CLSTN2: variants seen among roughly 807,000 people sequenced by gnomAD.
CLSTN2 encodes calsyntenin 2, also known as calsyntenin-2.
A neutral mutation model predicts 101.2 loss-of-function variants in CLSTN2; 48 were observed. The ratio of observed to expected loss-of-function variants is 0.47; its 90% confidence interval spans 0.38 to 0.60. CLSTN2 has a LOEUF of 0.60. CLSTN2 is among the 20% of genes least tolerant of loss of function. The pLI, the probability that CLSTN2 is intolerant of heterozygous loss-of-function variation, is 0.00. For synonymous variants in CLSTN2, 481 were observed against 463.6 expected (o/e 1.04, Z -0.48); for missense variants, 1,160 against 1,238.2 (o/e 0.94, Z 0.95).
intron 2 of CLSTN2, among the ~76,000 whole-genome samples, chr3:140,243,343 G>A (rs2086487287): frequency 6.6e-6 from 1 of 152,206 alleles, no homozygotes; most frequent in African/African-American, 2.4e-5. Context: ...AGAAACCATT[G>A]ATGGGTAAAT....
At chr3:140,483,217 G>A (rs186983753) in intron 8 of CLSTN2, among the ~76,000 whole-genome samples, 79 of 152,284 alleles carry the variant, frequency 5.2e-4, no homozygotes, top group Non-Finnish European at 8.8e-5. Context: ...AGTCATTCAG[G>A]AGCAGGTTGC....
chr3:140,508,723 C>G (rs578174753), intron 8 of CLSTN2: 13 of 150,818 alleles, frequency 8.6e-5, no homozygotes, highest in African/African-American at 3.2e-4. Context: ...CACTTACAAC[C>G]GACAACAGGC....
rs528243936 is a variant in CLSTN2, at chr3:140,083,996, C to G, written c.110-91955C>G. 3.3e-5 allele frequency among the ~76,000 whole-genome samples: 5 copies of G among 152,080 alleles called. No homozygotes were observed. The South Asian group carries it at 1.0e-3, about 32-fold the overall frequency. ...TTGATGTAACACATAAACTGGAGATCGGTAGGAGATATTCTTTATTGCCTT... is the reference window on the plus strand; with the variant it reads ...TTGATGTAACACATAAACTGGAGATGGGTAGGAGATATTCTTTATTGCCTT... On this transcript the variant is annotated intron_variant, in intron 1 of 16. Coordinates refer to ENST00000458420, the MANE Select transcript of CLSTN2 (RefSeq NM_022131.3).
Position 140,466,197 on chromosome 3 carries a change from C to A in CLSTN2, c.1223-413C>A, listed in dbSNP as rs147938105. Reference sequence around the variant, plus strand: ...TGAAATAAAATAAAAACCCAGAACTCTAGAAGAAACCAGTATGTTAAAGGA... The same window carrying A: ...TGAAATAAAATAAAAACCCAGAACTATAGAAGAAACCAGTATGTTAAAGGA... On this transcript the variant is annotated intron_variant, in intron 7 of 16. Transcript: ENST00000458420. Among the ~76,000 whole-genome samples, 232 of 152,294 alleles carry A rather than the reference C, an allele frequency of 1.5e-3. 1 individual carries two copies. The highest frequency in any genetic ancestry group is 5.5e-3 in the African/African-American group (228 of 41,552).
At chr3:140,036,718 C>G (rs770690518) in intron 1 of CLSTN2, among the ~76,000 whole-genome samples, 1 of 151,730 alleles carries the variant, frequency 6.6e-6, no homozygotes, top group African/African-American at 2.4e-5. Flanking sequence ...AGTGGGCATG[C>G]TAGATCTATC....
chr3:140,421,500 G>A (rs1475324036), intron 5 of CLSTN2, among the ~76,000 whole-genome samples: 1 of 152,176 alleles, frequency 6.6e-6, no homozygotes, highest in Non-Finnish European at 1.5e-5. Context: ...TGCCCAGTTT[G>A]TCCAGTGCTC....
intron 2 of CLSTN2, among the ~76,000 whole-genome samples, chr3:140,202,015 C>T (rs1249729314): frequency 2.0e-5 from 3 of 152,170 alleles, no homozygotes; most frequent in African/African-American, 7.2e-5. Flanking sequence ...ATGTTTTCAG[C>T]AGAGGCAACT....
intron 1 of CLSTN2, among the ~76,000 whole-genome samples, chr3:139,988,394 G>A (rs12629606): frequency 0.55 from 84,195 of 152,040 alleles, 24,611 homozygotes; most frequent in East Asian, 0.79. Context: ...CCAACATAAT[G>A]AGGAGAACTT....
intron 1 of CLSTN2, among the ~76,000 whole-genome samples, chr3:139,959,124 G>T (rs1241703313): frequency 6.6e-6 from 1 of 152,064 alleles, no homozygotes; most frequent in Non-Finnish European, 1.5e-5. Flanking sequence ...CTCTTCTGTA[G>T]CTCTAGCTTC....
chr3:140,137,666 A>G (rs1017829173), intron 1 of CLSTN2, among the ~76,000 whole-genome samples: 1 of 152,154 alleles, frequency 6.6e-6, no homozygotes. Flanking sequence ...AATAATAGTA[A>G]CTGTTCTTAT....
intron 2 of CLSTN2, among the ~76,000 whole-genome samples, chr3:140,262,351 A>G (rs1190971794): frequency 6.6e-6 from 1 of 152,218 alleles, no homozygotes; most frequent in Non-Finnish European, 1.5e-5. Flanking sequence ...CTTTCCCAGC[A>G]TGTTCAACTG....
chr3:140,214,182 G>A (rs2010893483), intron 2 of CLSTN2, among the ~76,000 whole-genome samples: 1 of 152,132 alleles, frequency 6.6e-6, no homozygotes, highest in South Asian at 2.1e-4. Flanking sequence ...GCTCACGCCT[G>A]TAATCCCAGC....
At chr3:140,298,136 A>G (rs1453507687) in intron 2 of CLSTN2, among the ~76,000 whole-genome samples, 4 of 152,202 alleles carry the variant, frequency 2.6e-5, no homozygotes, top group African/African-American at 9.7e-5. Context: ...TAAACTAAAT[A>G]CATAGTGATT....
intron 2 of CLSTN2, among the ~76,000 whole-genome samples, chr3:140,265,145 T>C (rs533613565): frequency 6.6e-6 from 1 of 152,330 alleles, no homozygotes; most frequent in African/African-American, 2.4e-5. Context: ...TGAATTCATT[T>C]GGTATGTGGA....
chr3:140,435,550 A>G (rs946073475), intron 5 of CLSTN2, among the ~76,000 whole-genome samples: 1 of 152,198 alleles, frequency 6.6e-6, no homozygotes, highest in Non-Finnish European at 1.5e-5. Context: ...TATCTCTTCA[A>G]TACACTTGAT....
At chr3:140,182,093 C>T (rs907291150) in intron 2 of CLSTN2, among the ~76,000 whole-genome samples, 10 of 152,146 alleles carry the variant, frequency 6.6e-5, no homozygotes, top group African/African-American at 2.4e-4. Context: ...TTCAATACCA[C>T]TCAAATACTT....
rs537133070 is a variant in CLSTN2 at position 140,572,950 on chromosome 3, G to T, written c.*6697G>T. On this transcript the variant is annotated 3_prime_UTR_variant, in exon 17 of 17. Transcript: ENST00000458420. ...TTTCAAGGAACCTTGGTCCTAGTCC[G>T]CATCCTTCACCTGCCCTTGGGCATG... 6.6e-6 allele frequency: 1 copy of T among 152,446 alleles called. No individual in the cohort carries two copies. The highest frequency in any genetic ancestry group is 1.5e-5 in the Non-Finnish European group (1 of 68,150). The allele number at this position is 152,446 out of a possible 1,614,324, so 9.4% of individuals were successfully genotyped here. A position where few individuals can be genotyped will look rare whatever the true frequency, so the allele number is the denominator to read the frequency against.
chr3:140,107,763 C>A (rs1576429177), intron 1 of CLSTN2, among the ~76,000 whole-genome samples: 1 of 152,294 alleles, frequency 6.6e-6, no homozygotes, highest in Admixed American at 6.5e-5. Context: ...CTCTCTAAAG[C>A]TGCTTCCCTT....
chr3:139,960,200 C>T (rs868806515), intron 1 of CLSTN2, among the ~76,000 whole-genome samples: 5 of 152,160 alleles, frequency 3.3e-5, no homozygotes, highest in African/African-American at 4.8e-5. Context: ...GTTACCAATG[C>T]GATATCACTG....
Sources: gnomAD v4.1 joint callset for allele counts (sites outside exome capture counted in the v4.1 genomes callset) on GRCh38, gnomAD v4.1.1 for gene constraint, MANE v1.5 for transcripts, NCBI Gene and HGNC (gene_info 2026-07-23, HGNC 2026-07-21) for gene names.